GNG7: variants seen among roughly 807,000 people sequenced by gnomAD.
GNG7 encodes the protein guanine nucleotide-binding protein G(I)/G(S)/G(O) subunit gamma-7.
GNG7 carries 1 observed loss-of-function variant against 4.0 expected under a neutral mutation model. The ratio of observed to expected loss-of-function variants is 0.25; its 90% CI spans 0.09 to 1.18. GNG7 has a LOEUF of 1.18. Ranked by LOEUF, GNG7 falls within the 50% of genes most tolerant of loss-of-function variation. GNG7 has a pLI of 0.50. For synonymous variants in GNG7, 34 were observed against 36.9 expected, an observed-to-expected ratio of 0.92 and a Z score of 0.29; for missense variants, 86 against 91.9, an observed-to-expected ratio of 0.94 and a Z score of 0.26.
chr19:2,552,894 C>G (rs992374194), intron 3 of GNG7, among the ~76,000 whole-genome samples: 5 of 148,022 alleles, frequency 3.4e-5, no homozygotes, highest in Non-Finnish European at 7.4e-5. Flanking sequence ...CTGTCTTCCA[C>G]GAATCCACTC....
Position 2,634,551 on chromosome 19 carries a change from GC to G in GNG7, c.-78+11672del, listed in dbSNP as rs1982256383. ...TCTGAGTCCTGGAGACTGTGGCAGAGCCCCTGATTTCGGCACAGCGCCCCGT... is the reference window on the plus strand; with the variant it reads ...TCTGAGTCCTGGAGACTGTGGCAGAGCCCTGATTTCGGCACAGCGCCCCGT... On this transcript the variant is annotated intron_variant, in intron 2 of 4. Coordinates refer to ENST00000382159, the MANE Select transcript of GNG7 (RefSeq NM_052847.3). The surrounding 1 kb of genome is among the most constrained non-coding windows in gnomAD (Gnocchi z 5.3). Among the ~76,000 whole-genome samples, 1 of 152,138 alleles carries G rather than the reference GC, an allele frequency of 6.6e-6. No homozygotes were observed. The highest frequency in any genetic ancestry group is 2.4e-5 in the African/African-American group (1 of 41,434).
In GNG7 at chr19:2,557,471, G is replaced by C. The variant is rs1300742556; in HGVS notation, c.-77-2283C>G. ...GCACAGACTCAAGAAACGAGGGGCT[G>C]CAGGACTTTTCCTCCTCCTGCCCAA... On this transcript the variant is annotated intron_variant, in intron 2 of 4. Transcript: ENST00000382159. The surrounding 1 kb of genome is among the most constrained non-coding windows in gnomAD (Gnocchi z 5.1). Among the ~76,000 whole-genome samples, 1 of 152,234 alleles carries C rather than the reference G, an allele frequency of 6.6e-6. No homozygotes were observed. Among genetic ancestry groups the C allele is most frequent in the Non-Finnish European group, 1.5e-5 (1 of 68,050 alleles).
At chr19:2,624,231 TAAAAA>T (rs950004600) in intron 2 of GNG7, among the ~76,000 whole-genome samples, 2 of 151,230 alleles carry the variant, frequency 1.3e-5, no homozygotes, top group African/African-American at 4.9e-5. Flanking sequence ...TTACCACAAT[TAAAAA>T]AAGAAAGAAA....
intron 1 of GNG7, among the ~76,000 whole-genome samples, chr19:2,661,136 G>C (rs1983132977): frequency 6.7e-6 from 1 of 149,924 alleles, no homozygotes; most frequent in African/African-American, 2.5e-5. Flanking sequence ...ACTTGAACCT[G>C]GGAGGCGGAG....
Position 2,518,988 on chromosome 19 carries a change from G to C in GNG7, c.81+1620C>G, listed in dbSNP as rs962455113. On this transcript the variant is annotated intron_variant, in intron 4 of 4. Transcript: ENST00000382159. ...TTTTTTTGTAATTTTAGTAGAGATG[G>C]GGTTTCACCATATTGGCCAGGCTGG... 2.6e-5 allele frequency among the ~76,000 whole-genome samples: 4 copies of C among 151,608 alleles called. No individual in the cohort carries two copies. In the South Asian group the frequency reaches 6.3e-4, roughly 24 times the overall value.
chr19:2,664,959 T>C (rs118061925), intron 1 of GNG7, among the ~76,000 whole-genome samples: 4 of 151,938 alleles, frequency 2.6e-5, no homozygotes, highest in East Asian at 2.0e-4. Flanking sequence ...TGACACCCCC[T>C]GAATTAGGAA....
chr19:2,606,172 A>C (rs973480110), intron 2 of GNG7, among the ~76,000 whole-genome samples: 2 of 152,090 alleles, frequency 1.3e-5, no homozygotes, highest in African/African-American at 4.8e-5. Context: ...TGAGCCCAGG[A>C]GTTTGAGACC....
intron 1 of GNG7, among the ~76,000 whole-genome samples, chr19:2,652,861 T>C (rs1398354411): frequency 1.3e-5 from 2 of 151,916 alleles, no homozygotes; most frequent in East Asian, 1.9e-4. Flanking sequence ...GGTGGGAGGA[T>C]TGCTGAAGGC....
chr19:2,522,644 C>T (rs763532142), intron 3 of GNG7, among the ~76,000 whole-genome samples: 2 of 145,780 alleles, frequency 1.4e-5, no homozygotes, highest in African/African-American at 5.1e-5. Context: ...CCCAGCTACT[C>T]GGGAGGCTGA....
chr19:2,588,812 T>C (rs931508219), intron 2 of GNG7, among the ~76,000 whole-genome samples: 2 of 152,142 alleles, frequency 1.3e-5, no homozygotes, highest in African/African-American at 4.8e-5. Context: ...CTGGGGAAAC[T>C]GGCTTCTTTT....
rs1426328992 is a variant in GNG7, at chr19:2,661,283, A to G, written c.-134-15003T>C. On this transcript the variant is annotated intron_variant, in intron 1 of 4. Transcript: ENST00000382159. ...AAAGAAAGAAAGAAAAGAAAGAAAG[A>G]AAGAAAGAAAGAAAGAAAGAGAAAG... Among the ~76,000 whole-genome samples, 352 of 54,760 alleles carry G rather than the reference A, an allele frequency of 6.4e-3. 16 individuals are homozygous for G. The highest frequency in any genetic ancestry group is 0.034 in the Middle Eastern group (4 of 116). The allele number at this position is 54,760 out of a possible 152,430, so 35.9% of individuals were successfully genotyped here. A position where few individuals can be genotyped will look rare whatever the true frequency, so the allele number is the denominator to read the frequency against.
chr19:2,654,512 A>G (rs769358324), intron 1 of GNG7, among the ~76,000 whole-genome samples: 1 of 128,504 alleles, frequency 7.8e-6, no homozygotes, highest in Non-Finnish European at 1.7e-5. Flanking sequence ...GGGGAACAGA[A>G]TCATCCCCAG....
intron 1 of GNG7, among the ~76,000 whole-genome samples, chr19:2,687,654 G>A (rs535380452): frequency 4.5e-4 from 68 of 152,062 alleles, no homozygotes; most frequent in Middle Eastern, 3.4e-3. Flanking sequence ...TGGCATGACA[G>A]GAGTAAGCCA....
At chr19:2,693,982 T>C (rs1219519766) in intron 1 of GNG7, among the ~76,000 whole-genome samples, 2 of 152,096 alleles carry the variant, frequency 1.3e-5, no homozygotes, top group African/African-American at 4.8e-5. Context: ...TAATATTGTG[T>C]TGTGAACGTT....
At position 2,546,803 on chromosome 19, in the gene GNG7, C is replaced by T. The variant is rs921594277; in HGVS notation, c.-38+8346G>A. 1.3e-5 allele frequency among the ~76,000 whole-genome samples: 2 copies of T among 152,098 alleles called. No homozygotes were observed. Among genetic ancestry groups the T allele is most frequent in the African/African-American group, 4.8e-5 (2 of 41,424 alleles). On this transcript the variant is annotated intron_variant, in intron 3 of 4. Transcript: ENST00000382159. This position sits in a 1 kb window ranked among gnomAD's most constrained non-coding sequence, Gnocchi z 6.3. ...TCTGTCCACCCGGCGGTGGGGTCGG[C>T]GGGGGCGGGGGATGACCACGGTCAT...
At chr19:2,544,052 A>C (rs2144750388) in intron 3 of GNG7, among the ~76,000 whole-genome samples, 1 of 152,198 alleles carries the variant, frequency 6.6e-6, no homozygotes, top group Non-Finnish European at 1.5e-5. Context: ...CCAAGCAACA[A>C]AACCAGCAAC....
At chr19:2,643,080 C>T (rs77612152) in intron 2 of GNG7, 17 of 441,648 alleles carry the variant, frequency 3.8e-5, no homozygotes, top group Non-Finnish European at 5.9e-5. Context: ...CACACCTTTC[C>T]GCCTTGCGCC....
chr19:2,602,221 C>T (rs534113304), intron 2 of GNG7, among the ~76,000 whole-genome samples: 2 of 152,254 alleles, frequency 1.3e-5, no homozygotes, highest in African/African-American at 4.8e-5. Context: ...CCTGTAATCT[C>T]AGCTACTTGG....
intron 1 of GNG7, among the ~76,000 whole-genome samples, chr19:2,671,533 C>T (rs1457083184): frequency 2.0e-5 from 3 of 152,048 alleles, no homozygotes; most frequent in South Asian, 2.1e-4. Context: ...GGCAGGGGAA[C>T]GTTCGTCCTG....
Sources: allele counts gnomAD v4.1 joint callset (sites outside exome capture counted in the v4.1 genomes callset), GRCh38; gene constraint gnomAD v4.1.1; non-coding constraint Gnocchi (gnomAD v3.1); transcripts MANE v1.5; gene names NCBI Gene and HGNC (gene_info 2026-07-23, HGNC 2026-07-21).